The following EXT2 variants were observed in gnomAD, a reference collection of about 807,000 sequenced individuals.
EXT2 encodes the protein exostosin glycosyltransferase 2.
A neutral mutation model predicts 81.6 loss-of-function variants in EXT2; 53 were observed. The observed-to-expected ratio is 0.65, with a 90% confidence interval of 0.52 to 0.82. The LOEUF (loss-of-function observed/expected upper bound fraction) is 0.82. Ranked by LOEUF, EXT2 falls within the 40% of genes least tolerant of loss-of-function variation. The pLI is 0.00. For missense variants in EXT2, 774 were observed against 910.2 expected (o/e 0.85, Z 1.93); for synonymous variants, 320 against 340.0 (o/e 0.94, Z 0.65).
At chr11:44,096,441 G>A in intron 1 of EXT2, 3 of 1,061,804 alleles carry the variant, frequency 2.8e-6, no homozygotes, top group Non-Finnish European at 4.1e-6. Flanking sequence ...GGACTGGGTG[G>A]CCGGGGTCAT....
At chr11:44,199,364 G>C (rs889308294) in intron 9 of EXT2, among the ~76,000 whole-genome samples, 1 of 152,258 alleles carries the variant, frequency 6.6e-6, no homozygotes, top group East Asian at 1.9e-4. Flanking sequence ...CCTTTCTCCA[G>C]AGTGAAGTGA....
intron 7 of EXT2, among the ~76,000 whole-genome samples, chr11:44,166,445 A>G (rs554260527): frequency 5.9e-5 from 9 of 152,340 alleles, no homozygotes; most frequent in Non-Finnish European, 7.4e-5. Context: ...CAGATGACCA[A>G]CTTCTGGACA....
intron 8 of EXT2, among the ~76,000 whole-genome samples, chr11:44,177,414 G>A (rs903511): frequency 0.83 from 125,853 of 152,146 alleles, 53,720 homozygotes; most frequent in East Asian, 0.96. Context: ...ACCTTCATCC[G>A]CACATCTGGG....
At chr11:44,096,364 G>C in intron 1 of EXT2, 2 of 1,519,760 alleles carry the variant, frequency 1.3e-6, no homozygotes, top group South Asian at 2.4e-5. Flanking sequence ...GGACTGGGTG[G>C]TCGGGGGCGT....
At chr11:44,154,532 T>G (rs773079192) in intron 7 of EXT2, among the ~76,000 whole-genome samples, 3 of 152,196 alleles carry the variant, frequency 2.0e-5, no homozygotes, top group Non-Finnish European at 4.4e-5. Context: ...CTTTATTCAT[T>G]CATTTGTTGA....
intron 1 of EXT2, among the ~76,000 whole-genome samples, chr11:44,102,534 C>CTTT (rs59752163): frequency 2.1e-4 from 22 of 106,160 alleles, no homozygotes; most frequent in African/African-American, 3.1e-4. Flanking sequence ...CTGTCTCTCT[C>CTTT]TTTTTTTTTT....
intron 7 of EXT2, among the ~76,000 whole-genome samples, chr11:44,133,992 G>A (rs1203184996): frequency 6.6e-6 from 1 of 152,206 alleles, no homozygotes; most frequent in Non-Finnish European, 1.5e-5. Flanking sequence ...TACAAGGCTA[G>A]AGCCTAATGT....
chr11:44,127,128 GC>G (rs1954419300), intron 6 of EXT2, among the ~76,000 whole-genome samples, 173 bp downstream of exon 6: 1 of 152,160 alleles, frequency 6.6e-6, no homozygotes, highest in African/African-American at 2.4e-5. Context: ...ACAAACCAAG[GC>G]CAGTTTGCAG....
intron 7 of EXT2, among the ~76,000 whole-genome samples, chr11:44,153,084 G>A (rs11037890): frequency 0.21 from 32,598 of 152,120 alleles, 3,873 homozygotes; most frequent in Non-Finnish European, 0.28. Flanking sequence ...CTGAAATTTT[G>A]TTGAATCTAT....
chr11:44,222,142 A>G (rs1006236200), intron 10 of EXT2, among the ~76,000 whole-genome samples: 5 of 152,186 alleles, frequency 3.3e-5, no homozygotes, highest in African/African-American at 9.7e-5. Flanking sequence ...GTTGGCAACC[A>G]TTACTAGTAA....
At chr11:44,188,704 T>C (rs1248690943) in intron 8 of EXT2, among the ~76,000 whole-genome samples, 1 of 152,120 alleles carries the variant, frequency 6.6e-6, no homozygotes, top group African/African-American at 2.4e-5. Flanking sequence ...GGGCTTGCAA[T>C]TATTAGATTA....
At chr11:44,123,317 T>C (rs1954345994) in intron 4 of EXT2, among the ~76,000 whole-genome samples, 1 of 152,156 alleles carries the variant, frequency 6.6e-6, no homozygotes, top group Admixed American at 6.5e-5. Flanking sequence ...AAACAAAAAA[T>C]GGATGGGTTC....
At chr11:44,228,794 A>C (rs1351464520) in intron 10 of EXT2, among the ~76,000 whole-genome samples, 1 of 152,212 alleles carries the variant, frequency 6.6e-6, no homozygotes, top group African/African-American at 2.4e-5. Flanking sequence ...TTCAGCCAAC[A>C]GTAAGAGGAC....
At chr11:44,150,491 T>G (rs1181289137) in intron 7 of EXT2, among the ~76,000 whole-genome samples, 2 of 152,132 alleles carry the variant, frequency 1.3e-5, no homozygotes, top group Non-Finnish European at 2.9e-5. Context: ...CTAGCAAGAA[T>G]TATTGGGCTG....
intron 10 of EXT2, among the ~76,000 whole-genome samples, chr11:44,215,016 C>T (rs1402004124): frequency 6.6e-6 from 1 of 152,158 alleles, no homozygotes; most frequent in Non-Finnish European, 1.5e-5. Flanking sequence ...CTGCCTCGGC[C>T]TCCCAAAGCA....
At chr11:44,106,372 A>G (rs568984866) in intron 1 of EXT2, among the ~76,000 whole-genome samples, 1 of 149,694 alleles carries the variant, frequency 6.7e-6, no homozygotes, top group South Asian at 2.1e-4. Context: ...CATTTCTTCC[A>G]TTTATCTAAA....
At chr11:44,108,374 G>T in intron 2 of EXT2, 126 bp downstream of exon 2, 1 of 1,045,950 alleles carries the variant, frequency 9.6e-7, no homozygotes, top group Non-Finnish European at 1.4e-6. Flanking sequence ...CTTCTTGCAG[G>T]ACGGGGTGTG....
At chr11:44,151,421 T>C (rs894666599) in intron 7 of EXT2, among the ~76,000 whole-genome samples, 3 of 152,218 alleles carry the variant, frequency 2.0e-5, no homozygotes, top group Middle Eastern at 3.2e-3. Flanking sequence ...ATTGATCTTT[T>C]TACTGTCTCT....
At chr11:44,144,628 T>G (rs969715641) in intron 7 of EXT2, among the ~76,000 whole-genome samples, 1 of 152,138 alleles carries the variant, frequency 6.6e-6, no homozygotes, top group African/African-American at 2.4e-5. Context: ...CATTGACATA[T>G]TTGAAGGTGA....
Sources: gnomAD v4.1 joint callset for allele counts (sites outside exome capture counted in the v4.1 genomes callset) on GRCh38, gnomAD v4.1.1 for gene constraint, MANE v1.5 for transcripts, NCBI Gene and HGNC (gene_info 2026-07-23, HGNC 2026-07-21) for gene names.